Variants in UBL3 observed in about 807,000 individuals in gnomAD.
UBL3 encodes the protein ubiquitin-like protein 3.
Under a neutral mutation model 18.4 loss-of-function variants are expected in UBL3, and 6 were observed. That is an observed-to-expected ratio of 0.33 (90% confidence interval 0.18 to 0.64). The LOEUF (loss-of-function observed/expected upper bound fraction) is 0.64. Among genes scored for constraint, UBL3 ranks in the 30% least tolerant of loss-of-function variants. UBL3 has a pLI of 0.76. For missense variants in UBL3, 109 were observed against 142.9 expected (o/e 0.76, Z 1.21); for synonymous variants, 49 against 46.6 (o/e 1.05, Z -0.21).
intron 1 of UBL3, among the ~76,000 whole-genome samples, chr13:29,793,588 A>G (rs1877536026): frequency 6.6e-6 from 1 of 152,170 alleles, no homozygotes. Context: ...TTTATAAATT[A>G]CTCAAATATT....
intron 1 of UBL3, among the ~76,000 whole-genome samples, chr13:29,830,656 G>A (rs1467283526): frequency 6.6e-6 from 1 of 152,128 alleles, no homozygotes; most frequent in Admixed American, 6.5e-5. Context: ...AGATTAAAAA[G>A]GAATAATTTC....
In UBL3 at chr13:29,824,590, T is replaced by G. The variant is rs574310940; in HGVS notation, c.27+24922A>C. ...CTTGTAAATTTGTTTGAGTTCTTTG[T>G]AGATTCTGGATATTAGCCTTTTATC... On this transcript the variant is annotated intron_variant, in intron 1 of 4. Transcript: ENST00000380680. Among the ~76,000 whole-genome samples, 6 of 152,344 alleles carry G rather than the reference T, an allele frequency of 3.9e-5. No individual in the cohort carries two copies. The East Asian group carries it at 9.6e-4, about 24-fold the overall frequency.
intron 1 of UBL3, among the ~76,000 whole-genome samples, chr13:29,816,014 T>TG (rs1213356532): frequency 1.3e-5 from 2 of 152,198 alleles, no homozygotes; most frequent in Non-Finnish European, 1.5e-5. Context: ...ATTAGGTAGG[T>TG]GCTCAGGGCT....
chr13:29,796,283 AT>A (rs1877609286), intron 1 of UBL3, among the ~76,000 whole-genome samples: 1 of 152,116 alleles, frequency 6.6e-6, no homozygotes, highest in African/African-American at 2.4e-5. Context: ...TACAAAAAAA[AT>A]TCAAAAAATT....
intron 1 of UBL3, among the ~76,000 whole-genome samples, chr13:29,830,974 C>G (rs763238152): frequency 1.3e-5 from 2 of 152,154 alleles, no homozygotes; most frequent in Non-Finnish European, 2.9e-5. Flanking sequence ...CTGTTGTTGA[C>G]AAATCTGCCT....
chr13:29,788,836 GAA>G (rs1877393018), intron 1 of UBL3, among the ~76,000 whole-genome samples: 1 of 136,840 alleles, frequency 7.3e-6, no homozygotes, highest in Admixed American at 7.6e-5. Context: ...GCTTAATGGG[GAA>G]GTGTGTGTGT....
chr13:29,772,765 C>T (rs1188234345), intron 2 of UBL3, among the ~76,000 whole-genome samples: 1 of 151,876 alleles, frequency 6.6e-6, no homozygotes, highest in Non-Finnish European at 1.5e-5. Context: ...TTCACCTCAC[C>T]CAAAATGAAG....
chr13:29,790,145 G>A (rs530254521), intron 1 of UBL3, among the ~76,000 whole-genome samples: 10 of 152,128 alleles, frequency 6.6e-5, no homozygotes, highest in Non-Finnish European at 1.0e-4. Context: ...TGTTCTAGAT[G>A]ACTGTTAAAG....
intron 1 of UBL3, among the ~76,000 whole-genome samples, chr13:29,788,870 TGCGCGCGCGCGC>T (rs1555232763): frequency 1.2e-3 from 26 of 20,882 alleles, no homozygotes; most frequent in Admixed American, 9.8e-3. Flanking sequence ...TGTGTGTGTG[TGCGCGCGCGCGC>T]GCACGCGCAC....
At chr13:29,794,195 C>A (rs1192282580) in intron 1 of UBL3, among the ~76,000 whole-genome samples, 2 of 152,132 alleles carry the variant, frequency 1.3e-5, no homozygotes, top group Non-Finnish European at 2.9e-5. Context: ...AATGTTTGAA[C>A]ACTTACCAAT....
intron 1 of UBL3, among the ~76,000 whole-genome samples, chr13:29,838,112 A>G (rs1413065881): frequency 1.3e-5 from 2 of 152,018 alleles, no homozygotes; most frequent in Admixed American, 1.3e-4. Context: ...AAAACAGCCA[A>G]AGGAAAACAC....
At chr13:29,808,315 T>C (rs919243732) in intron 1 of UBL3, among the ~76,000 whole-genome samples, 2 of 146,966 alleles carry the variant, frequency 1.4e-5, no homozygotes, top group South Asian at 4.4e-4. Context: ...GACCATTTAA[T>C]AAAGGATGAC....
At chr13:29,802,270 C>T (rs781368123) in intron 1 of UBL3, among the ~76,000 whole-genome samples, 2 of 152,216 alleles carry the variant, frequency 1.3e-5, no homozygotes, top group Non-Finnish European at 2.9e-5. Context: ...AATAAAAGGA[C>T]AAGGCACAAA....
chr13:29,814,602 G>GTC (rs1377306320), intron 1 of UBL3, among the ~76,000 whole-genome samples: 1 of 152,050 alleles, frequency 6.6e-6, no homozygotes, highest in African/African-American at 2.4e-5. Context: ...GGCCCAAGAT[G>GTC]TAAGGGCCTA....
chr13:29,824,788 A>C (rs895008740), intron 1 of UBL3, among the ~76,000 whole-genome samples: 1 of 152,210 alleles, frequency 6.6e-6, no homozygotes, highest in African/African-American at 2.4e-5. Flanking sequence ...GCCCATGCCT[A>C]TGTCCTGAAT....
Position 29,777,333 on chromosome 13 carries a change from C to T in UBL3, c.28-70G>A, listed in dbSNP as rs1877026990. The T allele has an allele frequency of 5.7e-6, 7 of 1,226,162 alleles. No individual in the cohort carries two copies. In the South Asian group the frequency reaches 5.9e-5, roughly 10 times the overall value. 76.0% of individuals were successfully genotyped at this position (1,226,162 alleles called of 1,614,324 possible). A position where few individuals can be genotyped will look rare whatever the true frequency, so the allele number is the denominator to read the frequency against. Reference sequence around the variant, plus strand: ...TTAAGTAAAAAAGAAGACTCAAAGGCTTTTCATTTCAATCACATCCTAAAT... The same window carrying T: ...TTAAGTAAAAAAGAAGACTCAAAGGTTTTTCATTTCAATCACATCCTAAAT... On this transcript the variant is annotated intron_variant, in intron 1 of 4. Transcript: ENST00000380680.
intron 1 of UBL3, chr13:29,779,293 T>G: frequency 2.1e-6 from 1 of 481,642 alleles, no homozygotes; most frequent in Non-Finnish European, 4.1e-6. Flanking sequence ...AACAAATACA[T>G]ATTACCCTAT....
At chr13:29,768,956 C>T (rs772779875) in intron 3 of UBL3, among the ~76,000 whole-genome samples, 1 of 152,024 alleles carries the variant, frequency 6.6e-6, no homozygotes, top group African/African-American at 2.4e-5. Context: ...ATAAGACAGA[C>T]CTGGATTACA....
chr13:29,779,611 A>G (rs1357925167), intron 1 of UBL3, among the ~76,000 whole-genome samples: 1 of 152,202 alleles, frequency 6.6e-6, no homozygotes, highest in Non-Finnish European at 1.5e-5. Context: ...TCAATATGGA[A>G]ATGGGAAAAT....
Sources: allele counts gnomAD v4.1 joint callset (sites outside exome capture counted in the v4.1 genomes callset), GRCh38; gene constraint gnomAD v4.1.1; transcripts MANE v1.5; gene names NCBI Gene and HGNC (gene_info 2026-07-23, HGNC 2026-07-21).